PDXDC1: variants seen among roughly 807,000 people sequenced by gnomAD.
The protein encoded by PDXDC1 is pyridoxal dependent decarboxylase domain containing 1.
A neutral mutation model predicts 100.1 loss-of-function variants in PDXDC1; 42 were observed. The observed-to-expected ratio is 0.42, with a 90% confidence interval of 0.33 to 0.54. PDXDC1 has a LOEUF of 0.54. Among genes scored for constraint, PDXDC1 ranks in the 20% least tolerant of loss-of-function variants. PDXDC1 has a pLI of 0.10. For synonymous variants in PDXDC1, 260 were observed against 371.7 expected (o/e 0.70, Z 3.46); for missense variants, 636 against 979.2 (o/e 0.65, Z 4.68).
chr16:15,055,657 C>T (rs896176324), intron 16 of PDXDC1: 2 of 356,822 alleles, frequency 5.6e-6, no homozygotes, highest in Admixed American at 9.4e-5. Context: ...CACCTAACCT[C>T]TCTGGGCCCC....
intron 12 of PDXDC1, among the ~76,000 whole-genome samples, chr16:15,022,341 T>C (rs1444631421): frequency 1.3e-5 from 2 of 152,296 alleles, no homozygotes; most frequent in Non-Finnish European, 2.9e-5. Context: ...TGTGCTCTTA[T>C]CACCAGCTCT....
At chr16:15,123,181 C>G (rs958040718) in intron 16 of PDXDC1, among the ~76,000 whole-genome samples, 3 of 150,866 alleles carry the variant, frequency 2.0e-5, no homozygotes, top group African/African-American at 7.3e-5. Flanking sequence ...CCCGGTGGTG[C>G]CTCACAATGG....
chr16:15,135,831 T>C lies in PDXDC1; in HGVS notation c.1400-3048T>C, dbSNP rs1465645412. 5 of 1,482,120 alleles carry C rather than the reference T, an allele frequency of 3.4e-6. No individual in the cohort carries two copies. In the Admixed American group the frequency reaches 5.0e-5, roughly 15 times the overall value. The allele number at this position is 1,482,120 out of a possible 1,614,324, so 91.8% of individuals were successfully genotyped here. ...GGGGCCACCGTCACATTGGCCTGGATGCTCCGTGCCAGTGGCGTGTCCCCA... is the reference window on the plus strand; with the variant it reads ...GGGGCCACCGTCACATTGGCCTGGACGCTCCGTGCCAGTGGCGTGTCCCCA... On this transcript the variant is annotated intron_variant, in intron 16 of 16. Coordinates refer to the PDXDC1 transcript ENST00000535621.
chr16:14,990,993 C>G (rs1367792098), intron 1 of PDXDC1, among the ~76,000 whole-genome samples: 1 of 152,288 alleles, frequency 6.6e-6, no homozygotes, highest in Admixed American at 6.5e-5. Context: ...CCGTCAACCT[C>G]GGCCTCCCAA....
chr16:15,032,687 C>T, intron 17 of PDXDC1, 174 bp from the exon 18 acceptor site: 1 of 403,882 alleles, frequency 2.5e-6, no homozygotes, highest in South Asian at 3.6e-5. Context: ...CTGTGACTTT[C>T]TCTTTACTCC....
At chr16:14,980,159 G>A (rs970742262) in intron 1 of PDXDC1, among the ~76,000 whole-genome samples, 17 of 152,392 alleles carry the variant, frequency 1.1e-4, no homozygotes, top group Admixed American at 1.0e-3. Context: ...AATTTTGCAG[G>A]GGAAGTCAGT....
At chr16:15,142,415 C>T (rs1468324448), downstream of PDXDC1, among the ~76,000 whole-genome samples, 2 of 152,128 alleles carry the variant, frequency 1.3e-5, no homozygotes, top group Non-Finnish European at 2.9e-5. Context: ...ACAAATGCAG[C>T]AAGGTCTTGG....
chr16:15,062,991 G>A (rs1461998497), intron 16 of PDXDC1, among the ~76,000 whole-genome samples: 1 of 152,148 alleles, frequency 6.6e-6, no homozygotes, highest in East Asian at 1.9e-4. Flanking sequence ...TTACAGGTGT[G>A]CACCACCACG....
intron 1 of PDXDC1, among the ~76,000 whole-genome samples, chr16:14,984,013 C>A (rs1192741782): frequency 6.6e-6 from 1 of 152,224 alleles, no homozygotes; most frequent in East Asian, 1.9e-4. Flanking sequence ...AAAATAAAAA[C>A]TTAGCCAGGC....
chr16:15,111,905 C>T (rs1040445644), intron 16 of PDXDC1, among the ~76,000 whole-genome samples: 4 of 149,452 alleles, frequency 2.7e-5, no homozygotes, highest in African/African-American at 9.7e-5. Context: ...GAATTAATTA[C>T]CTTCAGCTCT....
chr16:14,984,496 T>TATATATA lies in PDXDC1; in HGVS notation c.21+9276_21+9277insATATATA, dbSNP rs1491326563. On this transcript the variant is annotated intron_variant, in intron 1 of 22. Transcript: ENST00000396410. The stretch of plus-strand genomic sequence containing the variant: ...GTATACATATATATATATATATATA[T>TATATATA]TTTTTTTTTTTTTTTTTCTGAGACG... 1.1e-3 allele frequency among the ~76,000 whole-genome samples: 55 copies of TATATATA among 51,160 alleles called. 1 individual carries two copies. In the East Asian group the frequency reaches 0.017, roughly 16 times the overall value. The allele number at this position is 51,160 out of a possible 152,430, so 33.6% of individuals were successfully genotyped here.
At chr16:15,145,090 C>T in the PDXDC1 span, among the ~76,000 whole-genome samples, 1 of 152,300 alleles carries the variant, frequency 6.6e-6, no homozygotes, top group East Asian at 1.9e-4. Flanking sequence ...AGGCCCTCCT[C>T]CTCCCCCAAC....
intron 5 of PDXDC1, among the ~76,000 whole-genome samples, chr16:15,006,121 A>G (rs1974198709): frequency 6.6e-6 from 1 of 152,284 alleles, no homozygotes; most frequent in Non-Finnish European, 1.5e-5. Context: ...CAGGCTTTTT[A>G]TATCTGAGAA....
upstream of PDXDC1, chr16:14,974,961 G>C (rs1292086254): frequency 1.3e-6 from 2 of 1,535,112 alleles, no homozygotes; most frequent in East Asian, 2.4e-5. Context: ...GGGAGGGCCG[G>C]CGTGGCGCCC....
At chr16:14,980,391 C>A (rs1331161331) in intron 1 of PDXDC1, among the ~76,000 whole-genome samples, 1 of 152,284 alleles carries the variant, frequency 6.6e-6, no homozygotes, top group East Asian at 1.9e-4. Flanking sequence ...TGCCCCACTG[C>A]AACCTCTGCC....
intron 8 of PDXDC1, 119 bp downstream of exon 8, chr16:15,009,878 T>C: frequency 6.5e-6 from 10 of 1,537,034 alleles, no homozygotes; most frequent in Non-Finnish European, 8.7e-6. Flanking sequence ...AGATAGTCCA[T>C]ATCCACATTG....
chr16:15,026,934 C>T (rs1418634758), intron 14 of PDXDC1, among the ~76,000 whole-genome samples: 1 of 152,284 alleles, frequency 6.6e-6, no homozygotes, highest in African/African-American at 2.4e-5. Context: ...GTCCCTGGAC[C>T]AGTGCTGGAA....
At chr16:15,051,478 TG>T (rs1283372846) in intron 16 of PDXDC1, among the ~76,000 whole-genome samples, 2 of 149,982 alleles carry the variant, frequency 1.3e-5, no homozygotes. Context: ...CCCAAGGAGC[TG>T]GGAACTACAG....
At chr16:15,127,780 C>A (rs774014974) in intron 16 of PDXDC1, 64 of 1,553,764 alleles carry the variant, frequency 4.1e-5, no homozygotes, top group Non-Finnish European at 5.4e-5. Context: ...CCTCTGGATG[C>A]GAGTGAAACA....
Sources: gnomAD v4.1 joint callset for allele counts (sites outside exome capture counted in the v4.1 genomes callset) on GRCh38, gnomAD v4.1.1 for gene constraint, MANE v1.5 for transcripts, NCBI Gene and HGNC (gene_info 2026-07-23, HGNC 2026-07-21) for gene names.